DOCK9: variants seen among roughly 807,000 people sequenced by gnomAD.
The protein encoded by DOCK9 is dedicator of cytokinesis 9.
Under a neutral mutation model 263.3 loss-of-function variants are expected in DOCK9, and 89 were observed. The observed-to-expected ratio is 0.34, with a 90% confidence interval of 0.28 to 0.40. The LOEUF is 0.40. Ranked by LOEUF, DOCK9 falls within the 10% of genes least tolerant of loss-of-function variation. DOCK9 has a pLI of 1.00. For missense variants in DOCK9, 2,140 were observed against 2,603.4 expected (o/e 0.82, Z 3.87); for synonymous variants, 976 against 973.1 (o/e 1.00, Z -0.06).
At chr13:99,042,891 C>T (rs545455050) in intron 1 of DOCK9, among the ~76,000 whole-genome samples, 2 of 152,212 alleles carry the variant, frequency 1.3e-5, no homozygotes, top group East Asian at 1.9e-4. Flanking sequence ...AGATCTTTTG[C>T]CATGTAGCCT....
At position 99,074,654 on chromosome 13, in the gene DOCK9, C is replaced by T. The variant is rs2041835620; in HGVS notation, c.129+11569G>A. Among the ~76,000 whole-genome samples the T allele has an allele frequency of 2.0e-5, 3 of 152,210 alleles. No homozygotes were observed. In the South Asian group the frequency reaches 6.2e-4, roughly 31 times the overall value. On this transcript the variant is annotated intron_variant, in intron 1 of 32. Transcript: ENST00000427887. Reference sequence around the variant, plus strand: ...AACAACAGATGAGCCAATCAATAGCCCATGTTGTTTTCATGTGAATTCTTG... The same window carrying T: ...AACAACAGATGAGCCAATCAATAGCTCATGTTGTTTTCATGTGAATTCTTG...
chr13:98,899,395 C>T lies in DOCK9; in HGVS notation c.1504-1134G>A, dbSNP rs553206818. ...CACTATCCACACCTGAAAATGGGGG[C>T]TAGGCTATACTTTTCATGATCCCTT... On this transcript the variant is annotated intron_variant, in intron 13 of 52. Coordinates refer to ENST00000682017, the MANE Select transcript of DOCK9 (RefSeq NM_001366683.2). Among the ~76,000 whole-genome samples the T allele has an allele frequency of 6.0e-4, 91 of 152,270 alleles. No homozygotes were observed. In the South Asian group the frequency reaches 6.4e-3, roughly 11 times the overall value.
At chr13:98,850,736 G>C (rs1208490392) in intron 35 of DOCK9, among the ~76,000 whole-genome samples, 1 of 152,166 alleles carries the variant, frequency 6.6e-6, no homozygotes, top group Non-Finnish European at 1.5e-5. Context: ...TTGCATGCAT[G>C]TCTAACTATA....
In DOCK9 at chr13:98,886,447, C is replaced by T. The variant is rs1449453702; in HGVS notation, c.2136+85G>A. ...AATTTCAGTGTAATATGCAGCTTCT[C>T]TTGAATTTTCCTTTACCAGGCAAAT... On this transcript the variant is annotated intron_variant, in intron 19 of 52. Coordinates refer to ENST00000682017, the MANE Select transcript of DOCK9 (RefSeq NM_001366683.2). 15 of 1,090,864 alleles carry T rather than the reference C, an allele frequency of 1.4e-5. No homozygotes were observed. The East Asian group carries it at 2.8e-4, about 20-fold the overall frequency. 67.6% of individuals were successfully genotyped at this position (1,090,864 alleles called of 1,614,324 possible).
At chr13:98,840,331 C>CACTG (rs1270426296) in intron 38 of DOCK9, among the ~76,000 whole-genome samples, 1 of 152,188 alleles carries the variant, frequency 6.6e-6, no homozygotes. Context: ...TGGGGCCCTG[C>CACTG]ACTGATTCGC....
At chr13:99,011,243 T>C (rs1431311789) in intron 1 of DOCK9, among the ~76,000 whole-genome samples, 2 of 152,196 alleles carry the variant, frequency 1.3e-5, no homozygotes, top group African/African-American at 4.8e-5. Flanking sequence ...GATTTAAAGT[T>C]ATTTACATAT....
intron 20 of DOCK9, 174 bp from the exon 21 acceptor site, chr13:98,885,266 AG>A: frequency 1.1e-6 from 1 of 919,578 alleles, no homozygotes; most frequent in Non-Finnish European, 1.6e-6. Flanking sequence ...CAATGTACTT[AG>A]GCCTTTTCGG....
intron 35 of DOCK9, among the ~76,000 whole-genome samples, chr13:98,852,806 C>T (rs1038421386): frequency 2.0e-5 from 3 of 152,278 alleles, no homozygotes; most frequent in Middle Eastern, 3.4e-3. Flanking sequence ...AAGCCTTATA[C>T]GGTCCAGATA....
chr13:99,000,987 G>C (rs1327779159), intron 1 of DOCK9, among the ~76,000 whole-genome samples: 1 of 152,096 alleles, frequency 6.6e-6, no homozygotes, highest in Non-Finnish European at 1.5e-5. Context: ...AACAGCAGAA[G>C]AGAGGACAAA....
intron 2 of DOCK9, among the ~76,000 whole-genome samples, chr13:98,945,496 T>C (rs546473256): frequency 4.6e-5 from 7 of 152,158 alleles, no homozygotes; most frequent in Admixed American, 2.0e-4. Context: ...GGCCCTCTAG[T>C]GTCTTCTTTT....
At chr13:98,953,860 A>G (rs1222152267) in intron 2 of DOCK9, among the ~76,000 whole-genome samples, 2 of 152,236 alleles carry the variant, frequency 1.3e-5, no homozygotes, top group East Asian at 1.9e-4. Context: ...TAGCAACACC[A>G]CACGAATGGT....
intron 1 of DOCK9, among the ~76,000 whole-genome samples, chr13:99,012,849 CA>C (rs1884747404): frequency 6.6e-6 from 1 of 152,064 alleles, no homozygotes; most frequent in South Asian, 2.1e-4. Context: ...TCAACAGGCT[CA>C]GAGAGATCAT....
intron 1 of DOCK9, among the ~76,000 whole-genome samples, chr13:98,964,665 G>A (rs2059017792): frequency 6.6e-6 from 1 of 152,172 alleles, no homozygotes; most frequent in African/African-American, 2.4e-5. Context: ...GGTGAGTTCT[G>A]GAAGCAGCCA....
At chr13:98,879,473 A>C (rs1414808122) in intron 27 of DOCK9, among the ~76,000 whole-genome samples, 1 of 152,262 alleles carries the variant, frequency 6.6e-6, no homozygotes, top group Non-Finnish European at 1.5e-5. Flanking sequence ...AAGACACTTA[A>C]TAAATCATGG....
intron 13 of DOCK9, among the ~76,000 whole-genome samples, 171 bp downstream of exon 13, chr13:98,901,607 T>C (rs534516082): frequency 1.3e-5 from 2 of 152,366 alleles, no homozygotes; most frequent in South Asian, 4.1e-4. Flanking sequence ...TAGGACTACA[T>C]TTCCTTCAAA....
chr13:98,922,063 G>A lies in DOCK9; in HGVS notation c.570C>T (p.Ser190=), dbSNP rs1218319718. 7 of 1,596,796 alleles carry A rather than the reference G, an allele frequency of 4.4e-6. No individual in the cohort carries two copies. The highest frequency in any genetic ancestry group is 4.5e-5 in the East Asian group (2 of 44,378). Residue 190 remains serine, a synonymous_variant, in exon 6 of 53, where the codon AGC becomes AGT. Coordinates refer to ENST00000682017, the MANE Select transcript of DOCK9 (RefSeq NM_001366683.2). ...LYKGNMNSAI[S]VTMRSFKRRF... Reference sequence around the variant, plus strand: ...TGTGCGTCCTCACCCTCATGGTCACGCTGATGGCACTGTTCATGTTGCCTT... The same window carrying A: ...TGTGCGTCCTCACCCTCATGGTCACACTGATGGCACTGTTCATGTTGCCTT...
chr13:98,996,992 C>A (rs1251489565), intron 1 of DOCK9, among the ~76,000 whole-genome samples: 1 of 152,148 alleles, frequency 6.6e-6, no homozygotes, highest in Non-Finnish European at 1.5e-5. Context: ...AGAAAGAAGA[C>A]AAGAAAAGAC....
In DOCK9 at chr13:98,951,903, C is replaced by CTTTTTT. The variant is rs71114563; in HGVS notation, c.243+3526_243+3531dup. On this transcript the variant is annotated intron_variant, in intron 2 of 52. Transcript: ENST00000682017. ...ATGTACTTTACTTCATTAATATTCC[C>CTTTTTT]TTTTTTTTTTTGAGATGGAGTTTTC... Among the ~76,000 whole-genome samples the CTTTTTT allele has an allele frequency of 8.9e-5, 12 of 134,910 alleles. 2 individuals are homozygous for CTTTTTT. The highest frequency in any genetic ancestry group is 2.2e-4 in the Admixed American group (3 of 13,564). 88.5% of individuals were successfully genotyped at this position (134,910 alleles called of 152,430 possible). A position where few individuals can be genotyped will look rare whatever the true frequency, so the allele number is the denominator to read the frequency against.
At chr13:98,965,336 A>G (rs1181222865) in intron 1 of DOCK9, among the ~76,000 whole-genome samples, 1 of 152,230 alleles carries the variant, frequency 6.6e-6, no homozygotes, top group Non-Finnish European at 1.5e-5. Context: ...ATTCAGTAGT[A>G]TATGTTCTTC....
Sources: gnomAD v4.1 joint callset for allele counts (sites outside exome capture counted in the v4.1 genomes callset) on GRCh38, gnomAD v4.1.1 for gene constraint, MANE v1.5 for transcripts, NCBI Gene and HGNC (gene_info 2026-07-23, HGNC 2026-07-21) for gene names.